SERPINB11: variants seen among roughly 807,000 people sequenced by gnomAD.
SERPINB11 encodes serpin family B member 11.
In SERPINB11, 32 loss-of-function variants were observed where a neutral mutation model predicts 36.7. The ratio of observed to expected loss-of-function variants is 0.87; its 90% CI spans 0.66 to 1.17. The LOEUF (loss-of-function observed/expected upper bound fraction) is 1.17. Among genes scored for constraint, SERPINB11 ranks in the 50% most tolerant of loss-of-function variants. The pLI is 0.00. For synonymous variants in SERPINB11, 174 were observed against 168.1 expected, an observed-to-expected ratio of 1.04 and a Z score of -0.27; for missense variants, 528 against 458.4, an observed-to-expected ratio of 1.15 and a Z score of -1.39.
rs746655869 is a variant in SERPINB11, at chr18:63,721,003, G to A, written c.774+17G>A. The A allele has an allele frequency of 1.3e-6, 2 of 1,595,344 alleles. No homozygotes were observed. Among genetic ancestry groups the A allele is most frequent in the South Asian group, 1.1e-5 (1 of 88,818 alleles). On this transcript the variant is annotated intron_variant, in intron 7 of 7. Coordinates refer to ENST00000544088, the MANE Select transcript of SERPINB11 (RefSeq NM_001370475.1). ...CTGAAACAGGTAAAATTATAAGAAT[G>A]CTATAATGCAGTTAAAGCATGTGTG... is the stretch of plus-strand genomic sequence containing the variant.
In SERPINB11 at chr18:63,709,347, C is replaced by T. The variant is rs1165963855; in HGVS notation, c.-15-832C>T. On this transcript the variant is annotated intron_variant, in intron 1 of 7. Transcript: ENST00000544088. The stretch of plus-strand genomic sequence containing the variant: ...TGCTGGAAGTGCGGGCATGGTGGCT[C>T]ACGCCTGTAATCCCAGCACTTTGGG... Among the ~76,000 whole-genome samples, 8 of 152,098 alleles carry T rather than the reference C, an allele frequency of 5.3e-5. No individual in the cohort carries two copies. The East Asian group carries it at 7.7e-4, about 15-fold the overall frequency.
intron 4 of SERPINB11, among the ~76,000 whole-genome samples, chr18:63,714,189 GC>G (rs939209902): frequency 3.3e-5 from 5 of 152,088 alleles, no homozygotes; most frequent in African/African-American, 1.2e-4. Context: ...GTTCCATGAA[GC>G]CCCCCAAGCC....
intron 4 of SERPINB11, among the ~76,000 whole-genome samples, chr18:63,715,623 C>T: frequency 6.6e-6 from 1 of 152,126 alleles, no homozygotes; most frequent in East Asian, 1.9e-4. Context: ...TTCTGTTAGA[C>T]CTCAGAAAAG....
intron 4 of SERPINB11, among the ~76,000 whole-genome samples, chr18:63,715,076 G>A (rs904588677): frequency 2.0e-5 from 3 of 152,072 alleles, no homozygotes; most frequent in East Asian, 1.9e-4. Context: ...CCCTCCGTTC[G>A]GGGTCCCTGA....
At chr18:63,720,414 G>A (rs1372225415) in intron 6 of SERPINB11, 3 of 444,598 alleles carry the variant, frequency 6.7e-6, no homozygotes, top group East Asian at 5.0e-5. Flanking sequence ...ATGCTCTCTT[G>A]GCTTATTCTT....
intron 5 of SERPINB11, among the ~76,000 whole-genome samples, chr18:63,717,069 T>C (rs1914687998): frequency 6.6e-6 from 1 of 152,050 alleles, no homozygotes; most frequent in Non-Finnish European, 1.5e-5. Context: ...TTTTCCCAAA[T>C]GTTAAGGCTT....
At position 63,720,067 on chromosome 18, in the gene SERPINB11, T is replaced by C. The variant is rs1424368004; in HGVS notation, c.530T>C (p.Val177Ala). ...ACAATTGACCCTTCATCTGTAATGG[T>C]CCTGGTGAATGCCATATATTTCAAA... is the stretch of plus-strand genomic sequence containing the variant. ...KSTIDPSSVM[V>A]LVNAIYFKGQ... Residue 177 changes from valine (V) to alanine (A), a missense_variant, in exon 6 of 8, where the codon GTC becomes GCC. Val to Ala is a moderately conservative substitution (Grantham distance 64). Transcript: ENST00000544088. The C allele has an allele frequency of 3.7e-6, 6 of 1,610,746 alleles. No individual in the cohort carries two copies. The highest frequency in any genetic ancestry group is 1.3e-5 in the African/African-American group (1 of 74,762).
At chr18:63,702,756 C>T (rs557669814), upstream of SERPINB11, 1 of 152,236 alleles carries the variant, frequency 6.6e-6, no homozygotes, top group Admixed American at 6.5e-5. Context: ...AGTAACCCTC[C>T]CACCTCAGCC....
At position 63,711,337 on chromosome 18, in the gene SERPINB11, G is replaced by A; in HGVS notation, c.171G>A (p.Val57=). 6.2e-7 allele frequency: 1 copy of A among 1,607,592 alleles called. No homozygotes were observed. Among genetic ancestry groups the A allele is most frequent in the African/African-American group, 1.3e-5 (1 of 74,724 alleles). ...RGETEEQLEK[V]LHFSHTVDSL... is the part of the protein sequence containing the mutation. Reference sequence around the variant, plus strand: ...GATCCCTTTTTTTTCTTTTCTAGGTGCTTCATTTTAGTCATACTGTAGACT... The same window carrying A: ...GATCCCTTTTTTTTCTTTTCTAGGTACTTCATTTTAGTCATACTGTAGACT... Residue 57 remains valine (V), a splice_region_variant and synonymous_variant, in exon 3 of 8, where the codon GTG becomes GTA. Coordinates refer to ENST00000544088, the MANE Select transcript of SERPINB11 (RefSeq NM_001370475.1).
At chr18:63,712,856 T>C (rs548782725) in intron 4 of SERPINB11, among the ~76,000 whole-genome samples, 163 bp downstream of exon 4, 1 of 152,222 alleles carries the variant, frequency 6.6e-6, no homozygotes, top group Non-Finnish European at 1.5e-5. Flanking sequence ...GAAACTCTCA[T>C]GTAAAGTTCC....
intron 2 of SERPINB11, 128 bp downstream of exon 2, chr18:63,710,489 T>G: frequency 1.5e-6 from 1 of 666,684 alleles, no homozygotes; most frequent in South Asian, 2.7e-5. Context: ...ACACATTGAA[T>G]AAATCATATT....
chr18:63,720,208 T>C, intron 6 of SERPINB11, 53 bp downstream of exon 6: 1 of 1,460,580 alleles, frequency 6.8e-7, no homozygotes, highest in Non-Finnish European at 9.4e-7. Context: ...ACAATAATCA[T>C]TTAAGGACAA....
At chr18:63,721,277 C>T (rs1349570809) in intron 7 of SERPINB11, among the ~76,000 whole-genome samples, 1 of 152,144 alleles carries the variant, frequency 6.6e-6, no homozygotes, top group Non-Finnish European at 1.5e-5. Context: ...AGTCGGGGGA[C>T]ATCTTTCTAT....
At chr18:63,707,298 T>C (rs1296981443) in intron 1 of SERPINB11, among the ~76,000 whole-genome samples, 1 of 152,068 alleles carries the variant, frequency 6.6e-6, no homozygotes, top group Non-Finnish European at 1.5e-5. Flanking sequence ...AGGAGAGAGA[T>C]TTAGAAATTG....
At chr18:63,711,965 A>G (rs141036401) in intron 3 of SERPINB11, among the ~76,000 whole-genome samples, 1 of 152,316 alleles carries the variant, frequency 6.6e-6, no homozygotes, top group Non-Finnish European at 1.5e-5. Context: ...ACTTACTACT[A>G]AAAGTTCAAA....
Position 63,723,060 on chromosome 18 carries a change from A to G in SERPINB11, c.840A>G (p.Arg280=), listed in dbSNP as rs1374559943. ...EWTSSSNMME[R]EVEVHLPRFK... The stretch of plus-strand genomic sequence containing the variant: ...CAAGCTCTTCTAACATGATGGAAAG[A>G]GAAGTTGAAGTACACCTCCCCCGAT... Residue 280 remains arginine (R), a synonymous_variant, in exon 8 of 8, where the codon AGA becomes AGG. Coordinates refer to ENST00000544088, the MANE Select transcript of SERPINB11 (RefSeq NM_001370475.1). 6.2e-7 allele frequency: 1 copy of G among 1,604,734 alleles called. No homozygotes were observed. Among genetic ancestry groups the G allele is most frequent in the African/African-American group, 1.3e-5 (1 of 74,724 alleles).
At chr18:63,718,845 T>A (rs1359170872) in intron 5 of SERPINB11, among the ~76,000 whole-genome samples, 1 of 134,876 alleles carries the variant, frequency 7.4e-6, no homozygotes, top group Non-Finnish European at 1.6e-5. Context: ...AGAAAATGCT[T>A]TGAAAGGTGT....
rs1568189408 is a variant in SERPINB11, at chr18:63,723,279, C to CA, written c.1060dup (p.Ile354AsnfsTer45). On this transcript the variant is annotated frameshift_variant, in exon 8 of 8. Coordinates refer to ENST00000544088, the MANE Select transcript of SERPINB11 (RefSeq NM_001370475.1). LOFTEE classifies it high-confidence loss of function. ...AGGCAGCAGCAGCCACTGGGGACAG[C>CA]ATCGCTGTAAAAAGCCTACCAATGA... The CA allele has an allele frequency of 1.2e-6, 2 of 1,613,980 alleles. No homozygotes were observed. Among genetic ancestry groups the CA allele is most frequent in the South Asian group, 1.1e-5 (1 of 91,084 alleles).
At chr18:63,722,232 C>A (rs60579169) in intron 7 of SERPINB11, among the ~76,000 whole-genome samples, 56,674 of 152,010 alleles carry the variant, frequency 0.37, 11,458 homozygotes, top group East Asian at 0.63. Context: ...TTTTTGGTGG[C>A]TTTTATATTG....
Sources: gnomAD v4.1 joint callset for allele counts (sites outside exome capture counted in the v4.1 genomes callset) on GRCh38, gnomAD v4.1.1 for gene constraint, MANE v1.5 for transcripts, NCBI Gene and HGNC (gene_info 2026-07-23, HGNC 2026-07-21) for gene names.